ACOX3: variants seen among roughly 807,000 people sequenced by gnomAD.
ACOX3 encodes acyl-CoA oxidase 3, pristanoyl.
Under a neutral mutation model 81.5 loss-of-function variants are expected in ACOX3, and 73 were observed. The ratio of observed to expected loss-of-function variants is 0.90; its 90% CI spans 0.74 to 1.09. The LOEUF (loss-of-function observed/expected upper bound fraction) is 1.09, where lower values mean the gene tolerates loss of function less well. Ranked by LOEUF, ACOX3 falls within the 50% of genes least tolerant of loss-of-function variation. The pLI, the probability that ACOX3 is intolerant of heterozygous loss-of-function variation, is 0.00. For missense variants in ACOX3, 947 were observed against 928.0 expected, an observed-to-expected ratio of 1.02 and a Z score of -0.27; for synonymous variants, 387 against 375.1, an observed-to-expected ratio of 1.03 and a Z score of -0.37.
chr4:8,360,174 G>A, the ACOX3 span, among the ~76,000 whole-genome samples: 470 of 149,998 alleles, frequency 3.1e-3, 3 homozygotes, highest in Non-Finnish European at 2.4e-3. Flanking sequence ...TTCAATTCCT[G>A]GCTTGGAAAA....
chr4:8,377,460 G>GGCTCTGCA (rs112562454), intron 14 of ACOX3, among the ~76,000 whole-genome samples: 38,935 of 151,840 alleles, frequency 0.26, 6,059 homozygotes, highest in African/African-American at 0.45. Context: ...AGCGTCACTC[G>GGCTCTGCA]GCTCTGCAGC....
intron 5 of ACOX3, 35 bp from the exon 6 acceptor site, chr4:8,410,390 G>A: frequency 3.7e-6 from 6 of 1,606,262 alleles, no homozygotes; most frequent in Non-Finnish European, 5.1e-6. Flanking sequence ...GTTATAATTA[G>A]CAACTAAAGC....
chr4:8,390,029 G>C (rs1208813055), intron 11 of ACOX3, among the ~76,000 whole-genome samples: 1 of 151,044 alleles, frequency 6.6e-6, no homozygotes, highest in Non-Finnish European at 1.5e-5. Flanking sequence ...CTTGAGCCTG[G>C]GAGGCGGAGG....
chr4:8,387,539 T>C (rs1249796515), intron 13 of ACOX3, among the ~76,000 whole-genome samples: 1 of 152,220 alleles, frequency 6.6e-6, no homozygotes, highest in East Asian at 1.9e-4. Flanking sequence ...TAAATACTGC[T>C]GAGTGAGGCG....
intron 1 of ACOX3, among the ~76,000 whole-genome samples, chr4:8,420,574 G>A (rs966249761): frequency 2.0e-5 from 3 of 152,194 alleles, no homozygotes; most frequent in Non-Finnish European, 2.9e-5. Context: ...GAGAGCACAG[G>A]GGGAGGCACA....
In ACOX3 at chr4:8,397,020, T is replaced by A. The variant is rs769853140; in HGVS notation, c.973A>T (p.Ile325Phe). The A allele has an allele frequency of 1.9e-6, 3 of 1,611,756 alleles. No homozygotes were observed. The highest frequency in any genetic ancestry group is 2.2e-5 in the East Asian group (1 of 44,688). ...CGAGTGGCTGAGAAGCGAAGAGCGA[T>A]GGCCACGGCCAGCTTTAGGTTAAGG... ...AILNLKLAVAIALRFSATRRQ... is the reference protein window; with the variant it reads ...AILNLKLAVAFALRFSATRRQ... The change falls in exon 9 of 18, where the codon ATC (isoleucine) becomes TTC (phenylalanine). Residue 325 changes from isoleucine (I) to phenylalanine (F), a missense_variant. Coordinates refer to ENST00000356406, the MANE Select transcript of ACOX3 (RefSeq NM_003501.3).
At chr4:8,361,425 C>CAAAAAAAAA (rs56251372), downstream of ACOX3, among the ~76,000 whole-genome samples, 546 of 39,044 alleles carry the variant, frequency 0.014, 88 homozygotes, top group African/African-American at 0.037. Context: ...GACTCTATCT[C>CAAAAAAAAA]AAAAAAAAAA....
chr4:8,410,891 G>A (rs1721649292), intron 5 of ACOX3, among the ~76,000 whole-genome samples: 1 of 152,220 alleles, frequency 6.6e-6, no homozygotes, highest in African/African-American at 2.4e-5. Context: ...AAGGAAGGAA[G>A]GAAGGAACGC....
chr4:8,374,464 C>T (rs1716665909), intron 15 of ACOX3: 1 of 153,310 alleles, frequency 6.5e-6, no homozygotes, highest in Non-Finnish European at 1.5e-5. Flanking sequence ...ATCCTAGTAC[C>T]AAAGATGCAT....
Position 8,385,017 on chromosome 4 carries a change from C to CA in ACOX3, c.1538-3411dup, listed in dbSNP as rs1718135079. On this transcript the variant is annotated intron_variant, in intron 13 of 17. Transcript: ENST00000356406. This position sits in a 1 kb window ranked among gnomAD's most constrained non-coding sequence, Gnocchi z 5.5. Reference sequence around the variant, plus strand: ...GGAAGTGTTCAGGACTGTGGCCCCCCACACGCAGCAGCCCCCCACCGAGGG... The same window carrying CA: ...GGAAGTGTTCAGGACTGTGGCCCCCCAACACGCAGCAGCCCCCCACCGAGGG... 6.6e-6 allele frequency among the ~76,000 whole-genome samples: 1 copy of CA among 152,162 alleles called. No homozygotes were observed. Among genetic ancestry groups the CA allele is most frequent in the Non-Finnish European group, 1.5e-5 (1 of 68,018 alleles).
chr4:8,424,940 G>C (rs1344645227), intron 1 of ACOX3, among the ~76,000 whole-genome samples: 1 of 152,212 alleles, frequency 6.6e-6, no homozygotes, highest in Non-Finnish European at 1.5e-5. Flanking sequence ...CCAGGAACTA[G>C]CGCTCAGCTG....
chr4:8,373,377 G>C (rs955978016), intron 16 of ACOX3, among the ~76,000 whole-genome samples, 184 bp downstream of exon 16: 5 of 151,458 alleles, frequency 3.3e-5, no homozygotes, highest in African/African-American at 1.2e-4. Flanking sequence ...GTGATGCTAA[G>C]GGGGTGCGTG....
chr4:8,382,548 C>T lies in ACOX3; in HGVS notation c.1538-941G>A, dbSNP rs1421694933. ...CGCCCAGACACGAGGCACCTCCAGG[C>T]TGCAGGGGCCTTCTGCCTGGCAGCC... On this transcript the variant is annotated intron_variant, in intron 13 of 17. Transcript: ENST00000356406. This position sits in a 1 kb window ranked among gnomAD's most constrained non-coding sequence, Gnocchi z 4.1. 6.6e-6 allele frequency among the ~76,000 whole-genome samples: 1 copy of T among 152,248 alleles called. No individual in the cohort carries two copies. Among genetic ancestry groups the T allele is most frequent in the East Asian group, 1.9e-4 (1 of 5,182 alleles).
chr4:8,399,356 C>T lies in ACOX3; in HGVS notation c.873+200G>A, dbSNP rs917103346. ...AGGCCCGGACTCACCCCCTGGACACCAGCACCTGGTGCTGTGGCTGCCCCA... is the reference window on the plus strand; with the variant it reads ...AGGCCCGGACTCACCCCCTGGACACTAGCACCTGGTGCTGTGGCTGCCCCA... On this transcript the variant is annotated intron_variant, in intron 8 of 17. Coordinates refer to ENST00000356406, the MANE Select transcript of ACOX3 (RefSeq NM_003501.3). This position sits in a 1 kb window ranked among gnomAD's most constrained non-coding sequence, Gnocchi z 4.9. Among the ~76,000 whole-genome samples, 1 of 152,228 alleles carries T rather than the reference C, an allele frequency of 6.6e-6. No individual in the cohort carries two copies. Among genetic ancestry groups the T allele is most frequent in the African/African-American group, 2.4e-5 (1 of 41,466 alleles).
At position 8,405,206 on chromosome 4, in the gene ACOX3, G is replaced by C. The variant is rs183484493; in HGVS notation, c.776+749C>G. Among the ~76,000 whole-genome samples the C allele has an allele frequency of 6.6e-6, 1 of 152,180 alleles. No individual in the cohort carries two copies. Among genetic ancestry groups the C allele is most frequent in the African/African-American group, 2.4e-5 (1 of 41,448 alleles). On this transcript the variant is annotated intron_variant, in intron 7 of 17. Transcript: ENST00000356406. This position sits in a 1 kb window ranked among gnomAD's most constrained non-coding sequence, Gnocchi z 7.1. Reference sequence around the variant, plus strand: ...CCTCAAAGACCCTCAAGGCCCTTGCGGCCTGGCCTCCCTACCCCGCCTGCA... The same window carrying C: ...CCTCAAAGACCCTCAAGGCCCTTGCCGCCTGGCCTCCCTACCCCGCCTGCA...
chr4:8,410,260 C>A lies in ACOX3; in HGVS notation c.639G>T (p.Leu213=). Residue 213 remains leucine, a synonymous_variant, in exon 6 of 18, where the codon CTG becomes CTT. Coordinates refer to ENST00000356406, the MANE Select transcript of ACOX3 (RefSeq NM_003501.3). ...TATHAVVFAK[L]CVPGDQCHGL... ...CATGGCACTGGTCCCCTGGCACACA[C>A]AGCTTAGCAAACACCACCGCGTGAG... The A allele has an allele frequency of 6.2e-7, 1 of 1,614,116 alleles. No homozygotes were observed. Among genetic ancestry groups the A allele is most frequent in the South Asian group, 1.1e-5 (1 of 91,090 alleles).
At position 8,375,278 on chromosome 4, in the gene ACOX3, A is replaced by G. The variant is rs555265566; in HGVS notation, c.1654-126T>C. On this transcript the variant is annotated intron_variant, in intron 14 of 17. Transcript: ENST00000356406. ...CCCGTGCATGTCCTAGGACAGTAAC[A>G]TAAGGTGAGGCAGAGCACAGATGCG... 12 of 941,942 alleles carry G rather than the reference A, an allele frequency of 1.3e-5. No individual in the cohort carries two copies. In the African/African-American group the frequency reaches 1.8e-4, roughly 14 times the overall value. The allele number at this position is 941,942 out of a possible 1,614,324, so 58.3% of individuals were successfully genotyped here.
At position 8,366,850 on chromosome 4, in the gene ACOX3, G is replaced by A; in HGVS notation, c.*111C>T. ...TCAGCAGTTTAGGCGCACAGGTGCG[G>A]GCTCAGAAAGCAGCAGCAATCTCCG... On this transcript the variant is annotated 3_prime_UTR_variant, in exon 18 of 18. Coordinates refer to ENST00000356406, the MANE Select transcript of ACOX3 (RefSeq NM_003501.3). 1 of 1,478,610 alleles carries A rather than the reference G, an allele frequency of 6.8e-7. No homozygotes were observed. Among genetic ancestry groups the A allele is most frequent in the Non-Finnish European group, 9.2e-7 (1 of 1,084,158 alleles). 91.6% of individuals were successfully genotyped at this position (1,478,610 alleles called of 1,614,324 possible).
chr4:8,431,082 T>C lies in ACOX3; in HGVS notation c.-15+9566A>G, dbSNP rs1340914572. ...GAGCTGAGTGGCTTTTTATTGTTGGTTCTATTTAAGTTAGGGCATCATCAC... is the reference window on the plus strand; with the variant it reads ...GAGCTGAGTGGCTTTTTATTGTTGGCTCTATTTAAGTTAGGGCATCATCAC... On this transcript the variant is annotated intron_variant, in intron 1 of 17. Coordinates refer to ENST00000356406, the MANE Select transcript of ACOX3 (RefSeq NM_003501.3). The surrounding 1 kb of genome is among the most constrained non-coding windows in gnomAD (Gnocchi z 5.3). Among the ~76,000 whole-genome samples, 1 of 152,018 alleles carries C rather than the reference T, an allele frequency of 6.6e-6. No individual in the cohort carries two copies. The highest frequency in any genetic ancestry group is 1.5e-5 in the Non-Finnish European group (1 of 67,994).
Sources: gnomAD v4.1 joint callset for allele counts (sites outside exome capture counted in the v4.1 genomes callset) on GRCh38, gnomAD v4.1.1 for gene constraint, Gnocchi (gnomAD v3.1) non-coding constraint, MANE v1.5 for transcripts, NCBI Gene and HGNC (gene_info 2026-07-23, HGNC 2026-07-21) for gene names.